Variants in CLTC observed in about 807,000 individuals in gnomAD.
The protein encoded by CLTC is clathrin heavy chain 1.
Under a neutral mutation model 195.8 loss-of-function variants are expected in CLTC, and 16 were observed. The observed-to-expected ratio is 0.08, with a 90% confidence interval of 0.06 to 0.12. The LOEUF is 0.12. CLTC is among the 10% of genes least tolerant of loss of function. The pLI is 1.00. For missense variants in CLTC, 796 were observed against 2,027.0 expected (o/e 0.39, Z 11.66); for synonymous variants, 667 against 689.4 (o/e 0.97, Z 0.51).
At position 59,681,636 on chromosome 17, in the gene CLTC, T is replaced by G. The variant is rs1204974216; in HGVS notation, c.3250-11T>G. The G allele has an allele frequency of 6.2e-7, 1 of 1,602,740 alleles. No homozygotes were observed. The highest frequency in any genetic ancestry group is 1.7e-5 in the Admixed American group (1 of 58,736). ...TTTACTCTAACCCTAATTTCAAACTTGGATACTTAGGTCTTAATTGAGCAT... is the reference window on the plus strand; with the variant it reads ...TTTACTCTAACCCTAATTTCAAACTGGGATACTTAGGTCTTAATTGAGCAT... On this transcript the variant is annotated splice_polypyrimidine_tract_variant and intron_variant, in intron 20 of 31. Coordinates refer to ENST00000269122, the MANE Select transcript of CLTC (RefSeq NM_004859.4). This position sits in a 1 kb window ranked among gnomAD's most constrained non-coding sequence, Gnocchi z 5.0.
intron 14 of CLTC, among the ~76,000 whole-genome samples, chr17:59,673,205 G>A (rs1337251105): frequency 6.6e-6 from 1 of 152,062 alleles, no homozygotes; most frequent in East Asian, 1.9e-4. Context: ...TGGTTGTATA[G>A]ATTGGATGTG....
At chr17:59,677,267 G>A in intron 17 of CLTC, 79 bp downstream of exon 17, 1 of 1,104,498 alleles carries the variant, frequency 9.1e-7, no homozygotes, top group Non-Finnish European at 1.3e-6. Flanking sequence ...GTAATTTTAG[G>A]TAATATGGGA....
chr17:59,631,579 A>G (rs997484815), intron 1 of CLTC, among the ~76,000 whole-genome samples: 2 of 152,242 alleles, frequency 1.3e-5, no homozygotes, highest in African/African-American at 4.8e-5. Context: ...AAACATACAT[A>G]AACAATTGGT....
Position 59,679,911 on chromosome 17 carries a change from A to G in CLTC, c.2919+392A>G, listed in dbSNP as rs557962007. Among the ~76,000 whole-genome samples, 17 of 152,172 alleles carry G rather than the reference A, an allele frequency of 1.1e-4. No individual in the cohort carries two copies. In the Middle Eastern group the frequency reaches 0.017, roughly 152 times the overall value. The stretch of plus-strand genomic sequence containing the variant: ...TAGTAAAACCCCATCTCTACTAAAA[A>G]TACAAAAATTAGCCAGGTGCATGTA... On this transcript the variant is annotated intron_variant, in intron 18 of 31. Transcript: ENST00000269122.
chr17:59,647,333 C>A, intron 2 of CLTC, 65 bp from the exon 3 acceptor site: 2 of 1,277,850 alleles, frequency 1.6e-6, no homozygotes, highest in Non-Finnish European at 1.1e-6. Context: ...CAGAGCTAGT[C>A]TAGGTAGGTA....
At chr17:59,660,820 G>T (rs145679949) in intron 7 of CLTC, among the ~76,000 whole-genome samples, 1 of 152,258 alleles carries the variant, frequency 6.6e-6, no homozygotes, top group African/African-American at 2.4e-5. Flanking sequence ...TGTGGGTCTA[G>T]CAAGCTTTTG....
chr17:59,684,858 A>G (rs73331197), intron 28 of CLTC, among the ~76,000 whole-genome samples, 198 bp from the exon 29 acceptor site: 225 of 151,962 alleles, frequency 1.5e-3, no homozygotes, highest in African/African-American at 5.1e-3. Flanking sequence ...TGTCCATTTC[A>G]TAGCCATATG....
intron 6 of CLTC, among the ~76,000 whole-genome samples, chr17:59,656,919 G>A (rs2032485301): frequency 6.6e-6 from 1 of 151,782 alleles, no homozygotes; most frequent in Admixed American, 6.6e-5. Context: ...TGATCCACCC[G>A]CCCCAGCCTC....
intron 1 of CLTC, among the ~76,000 whole-genome samples, chr17:59,626,302 A>G (rs1056257660): frequency 6.6e-6 from 1 of 152,212 alleles, no homozygotes; most frequent in Non-Finnish European, 1.5e-5. Flanking sequence ...GTTTAATACA[A>G]ATATTGATAT....
At position 59,681,011 on chromosome 17, in the gene CLTC, C is replaced by T; in HGVS notation, c.3019C>T (p.Leu1007=). The T allele has an allele frequency of 6.2e-7, 1 of 1,614,006 alleles. No individual in the cohort carries two copies. The highest frequency in any genetic ancestry group is 8.5e-7 in the Non-Finnish European group (1 of 1,179,902). Residue 1007 remains leucine (L), a synonymous_variant, in exon 19 of 32, where the codon CTG becomes TTG. Transcript: ENST00000269122. This position sits in a 1 kb window ranked among gnomAD's most constrained non-coding sequence, Gnocchi z 5.0. Reference sequence around the variant, plus strand: ...AGACCTTCCTAATGAACTCATTGAACTGCTGGAGAAAATTGTCCTTGATAA... The same window carrying T: ...AGACCTTCCTAATGAACTCATTGAATTGCTGGAGAAAATTGTCCTTGATAA... ...TADLPNELIE[L]LEKIVLDNSV... is the part of the protein sequence containing the mutation.
At chr17:59,626,746 G>C (rs1384726423) in intron 1 of CLTC, among the ~76,000 whole-genome samples, 1 of 152,174 alleles carries the variant, frequency 6.6e-6, no homozygotes, top group Non-Finnish European at 1.5e-5. Context: ...TTGCTTCTTG[G>C]TTAAGTGCCT....
intron 1 of CLTC, among the ~76,000 whole-genome samples, chr17:59,630,713 G>A (rs2031688043): frequency 6.6e-6 from 1 of 152,208 alleles, no homozygotes; most frequent in African/African-American, 2.4e-5. Flanking sequence ...AAGCATCCAT[G>A]TTATAGCATA....
chr17:59,664,984 G>A (rs936668037), intron 10 of CLTC, 75 bp downstream of exon 10: 125 of 1,569,070 alleles, frequency 8.0e-5, no homozygotes, highest in Non-Finnish European at 2.9e-5. Flanking sequence ...GGTTGACTTG[G>A]GAGTCCAAGG....
chr17:59,643,191 T>G (rs1046190251), intron 1 of CLTC, among the ~76,000 whole-genome samples: 1 of 150,340 alleles, frequency 6.7e-6, no homozygotes, highest in Non-Finnish European at 1.5e-5. Context: ...GCGAATTTAT[T>G]ATATTACCTT....
intron 14 of CLTC, among the ~76,000 whole-genome samples, chr17:59,669,187 ATTTCC>A (rs2032792734): frequency 6.6e-6 from 1 of 152,144 alleles, no homozygotes; most frequent in South Asian, 2.1e-4. Context: ...TTTCAAAGGA[ATTTCC>A]TTTATTTTAA....
intron 16 of CLTC, among the ~76,000 whole-genome samples, chr17:59,676,134 A>T (rs372137441): frequency 2.0e-5 from 3 of 152,156 alleles, no homozygotes; most frequent in Admixed American, 1.3e-4. Flanking sequence ...TGAGCCCAGG[A>T]GGTCAGGGCC....
chr17:59,661,119 T>G (rs994335963), intron 7 of CLTC, among the ~76,000 whole-genome samples: 9 of 152,228 alleles, frequency 5.9e-5, no homozygotes, highest in Non-Finnish European at 1.3e-4. Context: ...TTTATGATTA[T>G]AACTATTCTC....
chr17:59,638,485 G>C (rs1286137565), intron 1 of CLTC, among the ~76,000 whole-genome samples: 1 of 116,238 alleles, frequency 8.6e-6, no homozygotes, highest in Non-Finnish European at 1.8e-5. Flanking sequence ...GTGTTCTCTA[G>C]ATCAGTGGTC....
chr17:59,677,279 A>G, intron 17 of CLTC, 91 bp downstream of exon 17: 2 of 950,954 alleles, frequency 2.1e-6, no homozygotes, highest in Non-Finnish European at 1.6e-6. Flanking sequence ...AATATGGGAC[A>G]TTTGGGGACG....
Sources: allele counts gnomAD v4.1 joint callset (sites outside exome capture counted in the v4.1 genomes callset), GRCh38; gene constraint gnomAD v4.1.1; non-coding constraint Gnocchi (gnomAD v3.1); transcripts MANE v1.5; gene names NCBI Gene and HGNC (gene_info 2026-07-23, HGNC 2026-07-21).